The following USP10 variants were observed in gnomAD, a reference collection of about 807,000 sequenced individuals.
USP10 encodes the protein ubiquitin carboxyl-terminal hydrolase 10.
USP10 carries 22 observed loss-of-function variants against 84.5 expected under a neutral mutation model. The observed-to-expected ratio is 0.26, with a 90% CI of 0.19 to 0.37. USP10 has a LOEUF of 0.37. Among genes scored for constraint, USP10 ranks in the 10% least tolerant of loss-of-function variants. The pLI is 1.00. For synonymous variants in USP10, 454 were observed against 387.6 expected, an observed-to-expected ratio of 1.17 and a Z score of -2.01; for missense variants, 1,019 against 998.9, an observed-to-expected ratio of 1.02 and a Z score of -0.27.
At chr16:84,760,332 G>T in intron 8 of USP10, 57 bp downstream of exon 8, 1 of 1,456,906 alleles carries the variant, frequency 6.9e-7, no homozygotes, top group South Asian at 1.2e-5. Context: ...TCCAGTGTTT[G>T]TGTGGTAACT....
intron 3 of USP10, among the ~76,000 whole-genome samples, chr16:84,742,269 G>A (rs1910712123): frequency 6.6e-6 from 1 of 152,098 alleles, no homozygotes; most frequent in Non-Finnish European, 1.5e-5. Flanking sequence ...TAGCAATTCA[G>A]TGATCCATCA....
At chr16:84,746,036 T>C (rs983988751) in intron 4 of USP10, among the ~76,000 whole-genome samples, 3 of 152,218 alleles carry the variant, frequency 2.0e-5, no homozygotes, top group East Asian at 1.9e-4. Context: ...TTGTACTCAC[T>C]GTGTGCTCCT....
At chr16:84,762,588 G>A (rs1913331694) in intron 8 of USP10, among the ~76,000 whole-genome samples, 1 of 152,048 alleles carries the variant, frequency 6.6e-6, no homozygotes, top group Non-Finnish European at 1.5e-5. Flanking sequence ...CTACTCGGGA[G>A]GCTGAGGCAG....
intron 2 of USP10, among the ~76,000 whole-genome samples, chr16:84,739,422 C>G (rs1342629668): frequency 6.6e-6 from 1 of 152,114 alleles, no homozygotes; most frequent in Non-Finnish European, 1.5e-5. Flanking sequence ...CAGGTGCCTG[C>G]CACCACGCCC....
chr16:84,758,918 C>T (rs192814695), intron 5 of USP10, 111 bp downstream of exon 5: 59 of 781,610 alleles, frequency 7.5e-5, no homozygotes, highest in Admixed American at 6.1e-5. Flanking sequence ...CATTTGAATC[C>T]CTAAGTCTGG....
intron 2 of USP10, among the ~76,000 whole-genome samples, chr16:84,739,544 A>T (rs1597341079): frequency 6.6e-6 from 1 of 152,282 alleles, no homozygotes; most frequent in Middle Eastern, 3.4e-3. Flanking sequence ...CATTGCTGGG[A>T]TTACAGGCAT....
intron 1 of USP10, among the ~76,000 whole-genome samples, chr16:84,725,545 C>T (rs779682773): frequency 1.1e-4 from 17 of 152,032 alleles, no homozygotes; most frequent in Non-Finnish European, 1.8e-4. Context: ...AGATTAGAGG[C>T]GCCTGCCACC....
rs1264627965 is a variant in USP10, at chr16:84,779,178, ACT to A, written c.*99_*100del. The A allele has an allele frequency of 1.4e-6, 2 of 1,434,666 alleles. No individual in the cohort carries two copies. The highest frequency in any genetic ancestry group is 1.4e-5 in the African/African-American group (1 of 70,436). 88.9% of individuals were successfully genotyped at this position (1,434,666 alleles called of 1,614,324 possible). Reference sequence around the variant, plus strand: ...CTCTTTAGTGGCTCTTTAGAGAGAAACTCTTTCTCCCTTTGCAAAAATGGGCT... The same window carrying A: ...CTCTTTAGTGGCTCTTTAGAGAGAAACTTTCTCCCTTTGCAAAAATGGGCT... On this transcript the variant is annotated 3_prime_UTR_variant, in exon 14 of 14. Coordinates refer to ENST00000219473, the MANE Select transcript of USP10 (RefSeq NM_005153.3).
chr16:84,762,044 G>A (rs571629211), intron 8 of USP10, among the ~76,000 whole-genome samples: 1 of 152,396 alleles, frequency 6.6e-6, no homozygotes, highest in South Asian at 2.1e-4. Flanking sequence ...CTTGGAATAG[G>A]CAGTTGTGCT....
At chr16:84,764,861 T>C (rs1340924885) in intron 10 of USP10, among the ~76,000 whole-genome samples, 3 of 146,848 alleles carry the variant, frequency 2.0e-5, no homozygotes, top group African/African-American at 7.5e-5. Flanking sequence ...TACAGGAGAA[T>C]GTCATCATGA....
At chr16:84,759,839 A>G in intron 6 of USP10, 52 bp from the exon 7 acceptor site, 1 of 1,559,264 alleles carries the variant, frequency 6.4e-7, no homozygotes, top group South Asian at 1.1e-5. Flanking sequence ...TCTTTAGTAA[A>G]AGTATATATT....
At chr16:84,720,566 A>G (rs1383720370) in intron 1 of USP10, among the ~76,000 whole-genome samples, 3 of 130,456 alleles carry the variant, frequency 2.3e-5, no homozygotes, top group Admixed American at 7.8e-5. Flanking sequence ...GAATAAAAAG[A>G]TGATGCCCAA....
At chr16:84,712,545 T>C (rs1906450539) in intron 1 of USP10, among the ~76,000 whole-genome samples, 2 of 152,178 alleles carry the variant, frequency 1.3e-5, no homozygotes, top group Admixed American at 6.5e-5. Context: ...CAGGACTGCT[T>C]ATGGTTGTTT....
At chr16:84,743,524 A>G (rs1000879588) in intron 3 of USP10, among the ~76,000 whole-genome samples, 2 of 152,154 alleles carry the variant, frequency 1.3e-5, no homozygotes, top group African/African-American at 4.8e-5. Context: ...TTCTTTGGGT[A>G]TTAGTTTCTT....
intron 1 of USP10, among the ~76,000 whole-genome samples, chr16:84,717,365 T>C (rs907631492): frequency 1.3e-5 from 2 of 152,242 alleles, no homozygotes; most frequent in South Asian, 2.1e-4. Context: ...AATATGTTGA[T>C]TAAATGCCTT....
chr16:84,739,181 C>G (rs1597340182), intron 2 of USP10, among the ~76,000 whole-genome samples: 1 of 151,820 alleles, frequency 6.6e-6, no homozygotes, highest in East Asian at 1.9e-4. Context: ...GCCTCAGCCT[C>G]CTGAGTAGCT....
intron 1 of USP10, among the ~76,000 whole-genome samples, chr16:84,718,746 ACTGT>A (rs1375045479): frequency 6.6e-6 from 1 of 151,776 alleles, no homozygotes; most frequent in Non-Finnish European, 1.5e-5. Flanking sequence ...ACAGAGCAAG[ACTGT>A]CTGACAAAAA....
chr16:84,727,058 T>C (rs1908584851), intron 1 of USP10, among the ~76,000 whole-genome samples: 2 of 152,356 alleles, frequency 1.3e-5, no homozygotes, highest in South Asian at 2.1e-4. Flanking sequence ...GTGGCATGGC[T>C]GACAGGGCCT....
chr16:84,713,657 G>A (rs1476018194), intron 1 of USP10, among the ~76,000 whole-genome samples: 1 of 152,180 alleles, frequency 6.6e-6, no homozygotes, highest in Non-Finnish European at 1.5e-5. Flanking sequence ...ACATACCACA[G>A]TGGACATATT....
Sources: gnomAD v4.1 joint callset for allele counts (sites outside exome capture counted in the v4.1 genomes callset) on GRCh38, gnomAD v4.1.1 for gene constraint, MANE v1.5 for transcripts, NCBI Gene and HGNC (gene_info 2026-07-23, HGNC 2026-07-21) for gene names.